ROBO2: variants seen among roughly 807,000 people sequenced by gnomAD.
The protein encoded by ROBO2 is roundabout homolog 2.
A neutral mutation model predicts 160.8 loss-of-function variants in ROBO2; 53 were observed. That is an observed-to-expected ratio of 0.33 (90% CI 0.26 to 0.41). The LOEUF (loss-of-function observed/expected upper bound fraction) is 0.41, where lower values mean the gene tolerates loss of function less well. Among genes scored for constraint, ROBO2 ranks in the 10% least tolerant of loss-of-function variants. The probability of loss-of-function intolerance (pLI) is 1.00; values close to 1 mark genes in which losing one functional copy is unlikely to be tolerated. For synonymous variants in ROBO2, 664 were observed against 611.7 expected, an observed-to-expected ratio of 1.09 and a Z score of -1.26; for missense variants, 1,577 against 1,722.4, an observed-to-expected ratio of 0.92 and a Z score of 1.49.
At chr3:76,809,743 T>A (rs1038648318) in intron 2 of ROBO2, among the ~76,000 whole-genome samples, 1 of 152,106 alleles carries the variant, frequency 6.6e-6, no homozygotes, top group African/African-American at 2.4e-5. Context: ...TTTAAAAAAA[T>A]TTTAAAGGAG....
chr3:76,242,126 TA>T (rs2107518926), intron 2 of ROBO2, among the ~76,000 whole-genome samples: 1 of 152,248 alleles, frequency 6.6e-6, no homozygotes, highest in South Asian at 2.1e-4. Flanking sequence ...AGCGGTCAAA[TA>T]ATGGATCTTG....
chr3:76,769,326 CAG>C (rs2061750246), intron 2 of ROBO2, among the ~76,000 whole-genome samples: 1 of 150,428 alleles, frequency 6.6e-6, no homozygotes, highest in South Asian at 2.1e-4. Flanking sequence ...AGAGTGGGGT[CAG>C]AGAGTCTGTA....
rs572930053 is a variant in ROBO2, at chr3:76,967,230, CT to C, written c.110-130770del. Among the ~76,000 whole-genome samples the C allele has an allele frequency of 5.4e-3, 761 of 140,470 alleles. 2 individuals carry two copies. Among genetic ancestry groups the C allele is most frequent in the Middle Eastern group, 0.011 (3 of 274 alleles). The allele number at this position is 140,470 out of a possible 152,430, so 92.2% of individuals were successfully genotyped here. A position where few individuals can be genotyped will look rare whatever the true frequency, so the allele number is the denominator to read the frequency against. On this transcript the variant is annotated intron_variant, in intron 2 of 26. Transcript: ENST00000487694. ...AAGATTGTCTAATTCCAAAATGTGC[CT>C]TTTTTTTTTTTTTGAGACGGAATCT...
intron 2 of ROBO2, among the ~76,000 whole-genome samples, chr3:77,137,415 G>A (rs966986506): frequency 2.0e-5 from 3 of 151,746 alleles, no homozygotes; most frequent in African/African-American, 7.3e-5. Context: ...TAGTAGAGAC[G>A]GGGTGTCTCC....
In ROBO2 at chr3:76,569,020, A is replaced by G. The variant is rs115325216; in HGVS notation, c.110-528994A>G. On this transcript the variant is annotated intron_variant, in intron 2 of 26. Coordinates refer to the ROBO2 transcript ENST00000487694. ...TAATATTTAGATCATTTAGATATCG[A>G]TTATTCAATGACTTGATATAGATAT... is the stretch of plus-strand genomic sequence containing the variant. Among the ~76,000 whole-genome samples the G allele has an allele frequency of 3.1e-3, 465 of 152,326 alleles. 3 individuals are homozygous for G. Among genetic ancestry groups the G allele is most frequent in the African/African-American group, 0.011 (458 of 41,572 alleles).
chr3:76,671,532 A>C (rs2106662229), intron 2 of ROBO2, among the ~76,000 whole-genome samples: 1 of 152,300 alleles, frequency 6.6e-6, no homozygotes, highest in East Asian at 1.9e-4. Context: ...AGATATGAAA[A>C]TTCCAGTCAT....
intron 5 of ROBO2, among the ~76,000 whole-genome samples, chr3:77,516,622 T>C (rs1010827244): frequency 1.3e-5 from 2 of 151,624 alleles, no homozygotes; most frequent in African/African-American, 4.8e-5. Context: ...TTATTAATGA[T>C]AATATGTAAA....
chr3:77,383,493 G>T (rs1581525268), intron 2 of ROBO2, among the ~76,000 whole-genome samples: 2 of 151,910 alleles, frequency 1.3e-5, no homozygotes, highest in African/African-American at 4.8e-5. Context: ...GAAGTTTAAG[G>T]CTCAAACTTG....
intron 2 of ROBO2, among the ~76,000 whole-genome samples, chr3:76,129,691 A>G (rs2071149349): frequency 6.6e-6 from 1 of 152,098 alleles, no homozygotes; most frequent in South Asian, 2.1e-4. Context: ...ATGAAAGCAG[A>G]GAAGTGGAAC....
chr3:77,226,171 G>C (rs902827536), intron 2 of ROBO2, among the ~76,000 whole-genome samples: 7 of 151,938 alleles, frequency 4.6e-5, no homozygotes, highest in African/African-American at 1.4e-4. Context: ...CAAACAACAA[G>C]TTTTGACCAA....
intron 2 of ROBO2, among the ~76,000 whole-genome samples, chr3:76,837,258 C>T (rs2067786324): frequency 6.6e-6 from 1 of 151,800 alleles, no homozygotes; most frequent in African/African-American, 2.4e-5. Flanking sequence ...AACACTTTAG[C>T]TTTATAAAAT....
chr3:76,345,682 G>A (rs1185378384), intron 2 of ROBO2, among the ~76,000 whole-genome samples: 1 of 151,708 alleles, frequency 6.6e-6, no homozygotes, highest in African/African-American at 2.4e-5. Context: ...AAATTGTCCT[G>A]ATATTAAAAC....
At chr3:77,178,598 A>C (rs1213670084) in intron 2 of ROBO2, among the ~76,000 whole-genome samples, 1 of 152,130 alleles carries the variant, frequency 6.6e-6, no homozygotes, top group Non-Finnish European at 1.5e-5. Context: ...ATTTTAAAAA[A>C]TGTTAGGCAC....
intron 2 of ROBO2, among the ~76,000 whole-genome samples, chr3:77,218,702 A>G (rs1580105516): frequency 1.3e-5 from 2 of 152,118 alleles, no homozygotes; most frequent in African/African-American, 4.8e-5. Context: ...GAGGAAGTAT[A>G]ATTAGGTTAT....
At chr3:76,504,766 G>A (rs1293959411) in intron 2 of ROBO2, among the ~76,000 whole-genome samples, 1 of 151,966 alleles carries the variant, frequency 6.6e-6, no homozygotes, top group East Asian at 1.9e-4. Context: ...CTGACCTCGT[G>A]AGCCACCCAC....
chr3:77,560,054 A>G (rs1172619794), intron 9 of ROBO2, among the ~76,000 whole-genome samples: 1 of 152,108 alleles, frequency 6.6e-6, no homozygotes, highest in Non-Finnish European at 1.5e-5. Context: ...ATAGAGGTTA[A>G]TGCATTTTCA....
chr3:76,686,358 C>A (rs1443790249), intron 2 of ROBO2, among the ~76,000 whole-genome samples: 2 of 151,910 alleles, frequency 1.3e-5, no homozygotes, highest in Non-Finnish European at 2.9e-5. Context: ...AATCTTCCTG[C>A]CAAATCAATT....
intron 2 of ROBO2, among the ~76,000 whole-genome samples, chr3:77,235,391 C>T (rs980553586): frequency 2.7e-5 from 4 of 149,140 alleles, no homozygotes; most frequent in Admixed American, 6.7e-5. Context: ...TTCGCTCTGT[C>T]GCCCAGGCTG....
intron 2 of ROBO2, among the ~76,000 whole-genome samples, chr3:76,606,933 CATGATTTT>C (rs1345066420): frequency 2.0e-5 from 3 of 151,936 alleles, no homozygotes; most frequent in African/African-American, 7.3e-5. Context: ...ATATATTTTT[CATGATTTT>C]ACATATGAAG....
Sources: allele counts gnomAD v4.1 joint callset (sites outside exome capture counted in the v4.1 genomes callset), GRCh38; gene constraint gnomAD v4.1.1; transcripts MANE v1.5; gene names NCBI Gene and HGNC (gene_info 2026-07-23, HGNC 2026-07-21).